ST14: variants seen among roughly 807,000 people sequenced by gnomAD.
ST14 encodes the protein suppressor of tumorigenicity 14 protein.
Under a neutral mutation model 96.5 loss-of-function variants are expected in ST14, and 40 were observed. The ratio of observed to expected loss-of-function variants is 0.41; its 90% CI spans 0.32 to 0.54. ST14 has a LOEUF of 0.54. Ranked by LOEUF, ST14 falls within the 20% of genes least tolerant of loss-of-function variation. ST14 has a pLI of 0.17. For missense variants in ST14, 1,066 were observed against 1,188.9 expected (o/e 0.90, Z 1.52); for synonymous variants, 506 against 492.1 (o/e 1.03, Z -0.37).
intron 7 of ST14, among the ~76,000 whole-genome samples, chr11:130,192,807 T>A (rs911029534): frequency 1.3e-5 from 2 of 152,202 alleles, no homozygotes; most frequent in African/African-American, 2.4e-5. Flanking sequence ...ATTATGATGG[T>A]CTTTCCAAAT....
intron 4 of ST14, 90 bp downstream of exon 4, chr11:130,189,029 T>C: frequency 7.1e-7 from 1 of 1,407,916 alleles, no homozygotes; most frequent in East Asian, 2.4e-5. Context: ...AAGCGGGAGA[T>C]GGTGCTGGAG....
chr11:130,205,421 C>A lies in ST14; in HGVS notation c.1995-2989C>A, dbSNP rs183129415. On this transcript the variant is annotated intron_variant, in intron 16 of 18. Coordinates refer to ENST00000278742, the MANE Select transcript of ST14 (RefSeq NM_021978.4). ...GGGATTACAGGTGTGAGCCACCGCACCTGGCTGTACAGTGAACACTCTTAT... is the reference window on the plus strand; with the variant it reads ...GGGATTACAGGTGTGAGCCACCGCAACTGGCTGTACAGTGAACACTCTTAT... Among the ~76,000 whole-genome samples the A allele has an allele frequency of 7.9e-5, 12 of 152,264 alleles. No homozygotes were observed. The East Asian group carries it at 2.3e-3, about 29-fold the overall frequency.
rs1266157716 is a variant in ST14 at position 130,189,856 on chromosome 11, C to T, written c.558C>T (p.Arg186=). Residue 186 remains arginine (R), a synonymous_variant, in exon 5 of 19, where the codon CGC becomes CGT. Transcript: ENST00000278742. ...TAGTCATGCTGCCCCCGCGGGCGCG[C>T]TCCCTGAAGTCCTTTGTGGTCACCT... is the stretch of plus-strand genomic sequence containing the variant. ...ERVVMLPPRA[R]SLKSFVVTSV... is the part of the protein sequence containing the mutation. 13 of 1,613,782 alleles carry T rather than the reference C, an allele frequency of 8.1e-6. No homozygotes were observed. The highest frequency in any genetic ancestry group is 1.7e-5 in the Admixed American group (1 of 60,016).
At chr11:130,163,230 C>T (rs1446279646) in intron 1 of ST14, among the ~76,000 whole-genome samples, 1 of 152,078 alleles carries the variant, frequency 6.6e-6, no homozygotes, top group East Asian at 1.9e-4. Context: ...GGAAGTGCCC[C>T]CAGGATTCAA....
intron 1 of ST14, among the ~76,000 whole-genome samples, chr11:130,172,298 G>A (rs573690982): frequency 5.2e-4 from 79 of 151,026 alleles, no homozygotes; most frequent in Non-Finnish European, 5.5e-4. Flanking sequence ...AGAGATGGGG[G>A]TCTCTCTGCA....
intron 15 of ST14, 23 bp downstream of exon 15, chr11:130,199,092 G>A (rs763171030): frequency 2.5e-6 from 4 of 1,608,336 alleles, no homozygotes; most frequent in East Asian, 4.5e-5. Flanking sequence ...TCCGAGTACG[G>A]TTGTGCAGGT....
At position 130,160,048 on chromosome 11, in the gene ST14, C is replaced by T; in HGVS notation, c.69C>T (p.Asn23=). The change falls in exon 1 of 19, where the codon AAC becomes AAT. Residue 23 remains asparagine (N), a synonymous_variant. Transcript: ENST00000278742. ...PKDFGAGLKY[N]SRHEKVNGLE... ...ACTTCGGCGCGGGACTCAAGTACAA[C>T]TCCCGGCACGAGGTGAGCGCGGGCC... 2.8e-6 allele frequency: 4 copies of T among 1,436,470 alleles called. No individual in the cohort carries two copies. The highest frequency in any genetic ancestry group is 3.7e-6 in the Non-Finnish European group (4 of 1,087,116). 89.0% of individuals were successfully genotyped at this position (1,436,470 alleles called of 1,614,324 possible).
At chr11:130,203,539 G>A (rs1464832960) in intron 16 of ST14, among the ~76,000 whole-genome samples, 6 of 152,324 alleles carry the variant, frequency 3.9e-5, no homozygotes, top group East Asian at 3.9e-4. Flanking sequence ...ACTCCTTCAC[G>A]ACCGACACGG....
chr11:130,200,148 G>A lies in ST14; in HGVS notation c.1994+11G>A. On this transcript the variant is annotated intron_variant, in intron 16 of 18. Transcript: ENST00000278742. ...TGACAGAGGATTCAGGTGGGTCTCTGGGTGGGCAGCAGGGAGCCTCCTTGC... is the reference window on the plus strand; with the variant it reads ...TGACAGAGGATTCAGGTGGGTCTCTAGGTGGGCAGCAGGGAGCCTCCTTGC... The A allele has an allele frequency of 1.2e-6, 2 of 1,613,922 alleles. No individual in the cohort carries two copies. The highest frequency in any genetic ancestry group is 8.5e-7 in the Non-Finnish European group (1 of 1,179,910).
intron 4 of ST14, 167 bp from the exon 5 acceptor site, chr11:130,189,564 AGGCCTCTT>A (rs1409929285): frequency 1.3e-6 from 1 of 779,268 alleles, no homozygotes; most frequent in Non-Finnish European, 2.0e-6. Context: ...GCAAAGGGCA[AGGCCTCTT>A]GCTTTGGGGT....
Position 130,188,781 on chromosome 11 carries a change from C to T in ST14, c.370-88C>T, listed in dbSNP as rs1224426569. On this transcript the variant is annotated intron_variant, in intron 3 of 18. Coordinates refer to ENST00000278742, the MANE Select transcript of ST14 (RefSeq NM_021978.4). This position sits in a 1 kb window ranked among gnomAD's most constrained non-coding sequence, Gnocchi z 5.4. ...GGATGGGGGTGATCTGCAAAGGGGA[C>T]CCGGGCCCTGGAGGGGAGGGAGCAG... is the stretch of plus-strand genomic sequence containing the variant. The T allele has an allele frequency of 8.1e-6, 13 of 1,604,740 alleles. No individual in the cohort carries two copies. Among genetic ancestry groups the T allele is most frequent in the African/African-American group, 1.3e-5 (1 of 74,742 alleles).
At chr11:130,182,999 C>T in intron 1 of ST14, among the ~76,000 whole-genome samples, 1 of 151,552 alleles carries the variant, frequency 6.6e-6, no homozygotes, top group East Asian at 1.9e-4. Context: ...TCTTGTTGCC[C>T]AGGCTGGAGT....
At chr11:130,190,264 G>A (rs1297020004) in intron 6 of ST14, 116 bp downstream of exon 6, 3 of 1,501,174 alleles carry the variant, frequency 2.0e-6, no homozygotes, top group Middle Eastern at 1.8e-4. Flanking sequence ...ATATTATGAC[G>A]ATCTTTCCAG....
chr11:130,189,038 A>G, intron 4 of ST14, 99 bp downstream of exon 4: 3 of 1,348,492 alleles, frequency 2.2e-6, no homozygotes, highest in Non-Finnish European at 3.1e-6. Context: ...ATGGTGCTGG[A>G]GGTCCTGGCC....
chr11:130,188,619 A>C lies in ST14; in HGVS notation c.331A>C (p.Thr111Pro). The C allele has an allele frequency of 1.2e-6, 2 of 1,614,192 alleles. No homozygotes were observed. The highest frequency in any genetic ancestry group is 1.7e-6 in the Non-Finnish European group (2 of 1,180,038). The change falls in exon 3 of 19, where the codon ACT (threonine) becomes CCT (proline). Residue 111 changes from threonine (T) to proline (P), a missense_variant. Physicochemically the swap from Thr to Pro is conservative, Grantham distance 38. Transcript: ENST00000278742. The surrounding 1 kb of genome is among the most constrained non-coding windows in gnomAD (Gnocchi z 5.4). ...GGATGCCTACGAGAACTCCAACTCCACTGAGTTTGTAAGCCTGGCCAGCAA... is the reference window on the plus strand; with the variant it reads ...GGATGCCTACGAGAACTCCAACTCCCCTGAGTTTGTAAGCCTGGCCAGCAA... The part of the protein sequence containing the change: ...FVDAYENSNS[T>P]EFVSLASKVK...
At chr11:130,176,620 C>G (rs1953140750) in intron 1 of ST14, among the ~76,000 whole-genome samples, 1 of 151,936 alleles carries the variant, frequency 6.6e-6, no homozygotes, top group Non-Finnish European at 1.5e-5. Flanking sequence ...GATCTCCTGA[C>G]CTCATGATCC....
In ST14 at chr11:130,180,098, G is replaced by T. The variant is rs763031686; in HGVS notation, c.82-8016G>T. Among the ~76,000 whole-genome samples, 3 of 152,188 alleles carry T rather than the reference G, an allele frequency of 2.0e-5. No homozygotes were observed. In the East Asian group the frequency reaches 5.8e-4, roughly 29 times the overall value. On this transcript the variant is annotated intron_variant, in intron 1 of 18. Coordinates refer to ENST00000278742, the MANE Select transcript of ST14 (RefSeq NM_021978.4). ...CCGTCCCACCTTGGAGTCACCGAGC[G>T]TGTCAGTCAAGAGCCTTGGCCACAA...
chr11:130,208,794 C>T lies in ST14; in HGVS notation c.2269+110C>T, dbSNP rs1278912773. 4 of 1,377,092 alleles carry T rather than the reference C, an allele frequency of 2.9e-6. No individual in the cohort carries two copies. In the East Asian group the frequency reaches 1.0e-4, roughly 35 times the overall value. The allele number at this position is 1,377,092 out of a possible 1,614,324, so 85.3% of individuals were successfully genotyped here. On this transcript the variant is annotated intron_variant, in intron 17 of 18. Transcript: ENST00000278742. ...GGCGGGGGGCTGCTCCAGTCTCCCT[C>T]TGCCTGGCAGAATGAGGCTGTCCAG... is the stretch of plus-strand genomic sequence containing the variant.
chr11:130,189,358 C>T (rs140174157), intron 4 of ST14: 220 of 442,120 alleles, frequency 5.0e-4, no homozygotes, highest in African/African-American at 4.0e-3. Context: ...TTTGCTAGTT[C>T]GTTTGAACCC....
Sources: allele counts gnomAD v4.1 joint callset (sites outside exome capture counted in the v4.1 genomes callset), GRCh38; gene constraint gnomAD v4.1.1; non-coding constraint Gnocchi (gnomAD v3.1); transcripts MANE v1.5; gene names NCBI Gene and HGNC (gene_info 2026-07-23, HGNC 2026-07-21).